The following NCOR1 variants were observed in gnomAD, a reference collection of about 807,000 sequenced individuals.
NCOR1 encodes the protein nuclear receptor corepressor 1, also known as protein phosphatase 1, regulatory subunit 109.
Under a neutral mutation model 288.1 loss-of-function variants are expected in NCOR1, and 63 were observed. That is an observed-to-expected ratio of 0.22 (90% confidence interval 0.18 to 0.27). The LOEUF (loss-of-function observed/expected upper bound fraction) is 0.27, where lower values mean the gene tolerates loss of function less well. Among genes scored for constraint, NCOR1 ranks in the 10% least tolerant of loss-of-function variants. The probability of loss-of-function intolerance (pLI) is 1.00; values close to 1 mark genes in which losing one functional copy is unlikely to be tolerated. For synonymous variants in NCOR1, 1,007 were observed against 1,065.9 expected (o/e 0.94, Z 1.08); for missense variants, 2,397 against 3,019.2 (o/e 0.79, Z 4.83).
intron 42 of NCOR1, chr17:16,040,741 A>G (rs1222967962): frequency 1.9e-6 from 1 of 520,970 alleles, no homozygotes; most frequent in East Asian, 4.2e-5. Flanking sequence ...TCAAAAGAAG[A>G]GCAATAAGCT....
chr17:16,045,074 A>G (rs990928304), intron 42 of NCOR1: 3 of 346,422 alleles, frequency 8.7e-6, no homozygotes, highest in Non-Finnish European at 1.6e-5. Flanking sequence ...GAAAAGACTG[A>G]TAAGACTGGG....
chr17:16,181,207 A>ATGTGTG (rs1422388328), intron 3 of NCOR1, among the ~76,000 whole-genome samples: 68 of 85,806 alleles, frequency 7.9e-4, no homozygotes, highest in East Asian at 2.2e-3. Flanking sequence ...ATACATATAT[A>ATGTGTG]TGTATGTGTG....
chr17:16,182,522 T>C (rs961974836), intron 3 of NCOR1, among the ~76,000 whole-genome samples: 2 of 152,210 alleles, frequency 1.3e-5, no homozygotes, highest in African/African-American at 2.4e-5. Context: ...TGGCACAATC[T>C]TGGCTCACTG....
chr17:16,155,914 C>G (rs956422228), intron 6 of NCOR1, among the ~76,000 whole-genome samples: 16 of 152,096 alleles, frequency 1.1e-4, no homozygotes, highest in African/African-American at 3.6e-4. Context: ...GGGTTCTAGG[C>G]CCATTGTGCT....
At chr17:16,189,062 GGTTT>G (rs1162296269) in intron 2 of NCOR1, among the ~76,000 whole-genome samples, 1 of 151,382 alleles carries the variant, frequency 6.6e-6, no homozygotes, top group Non-Finnish European at 1.5e-5. Context: ...TCATCACAAG[GGTTT>G]GTTAAAAATA....
chr17:16,140,402 G>A (rs1036144356), intron 11 of NCOR1, among the ~76,000 whole-genome samples: 4 of 152,190 alleles, frequency 2.6e-5, no homozygotes, highest in Non-Finnish European at 5.9e-5. Flanking sequence ...AGTGGCTCAC[G>A]CTTGTAATCC....
Position 16,071,425 on chromosome 17 carries a change from T to A in NCOR1, c.4136A>T (p.Glu1379Val). 6.2e-7 allele frequency: 1 copy of A among 1,611,308 alleles called. No individual in the cohort carries two copies. Among genetic ancestry groups the A allele is most frequent in the Non-Finnish European group, 8.5e-7 (1 of 1,178,596 alleles). The part of the protein sequence containing the change: ...EVVQSTRPII[E>V]GSISQGTPIK... ...CTTAGTTACCTGGGAAATGGAACCC[T>A]CAATTATCGGCCGTGTGCTCTGGAC... Residue 1379 changes from glutamate (E) to valine (V), a missense_variant, in exon 30 of 46, where the codon GAG (glutamate) becomes GTG (valine). Glu to Val is a moderately radical substitution (Grantham distance 121). Around this residue, in one of 11 missense-constraint regions of NCOR1, gnomAD observed 1,872 missense variants for 2,187.8 expected, o/e 0.86. Coordinates refer to ENST00000268712, the MANE Select transcript of NCOR1 (RefSeq NM_006311.4).
At chr17:16,100,346 G>A (rs1002707704) in intron 20 of NCOR1, among the ~76,000 whole-genome samples, 1 of 152,026 alleles carries the variant, frequency 6.6e-6, no homozygotes, top group Non-Finnish European at 1.5e-5. Context: ...AATGACTAAA[G>A]CTACCTGTAA....
chr17:16,199,216 A>AAAAAAAAC (rs1337668798), intron 1 of NCOR1, among the ~76,000 whole-genome samples: 143 of 122,292 alleles, frequency 1.2e-3, no homozygotes, highest in Non-Finnish European at 2.1e-3. Flanking sequence ...AAAAAAAAAA[A>AAAAAAAAC]ACACACACAC....
chr17:16,041,617 T>G (rs1239688859), intron 42 of NCOR1, among the ~76,000 whole-genome samples: 9 of 151,530 alleles, frequency 5.9e-5, no homozygotes, highest in Admixed American at 2.0e-4. Context: ...GTTTCACCAT[T>G]TTGGCCAGGC....
chr17:16,090,876 C>CATTA (rs2065057972), intron 22 of NCOR1, among the ~76,000 whole-genome samples: 2 of 152,148 alleles, frequency 1.3e-5, no homozygotes, highest in Non-Finnish European at 2.9e-5. Flanking sequence ...CATTGTAAAG[C>CATTA]TAATAGCTCT....
chr17:16,066,400 CAAG>C (rs1249660906), intron 32 of NCOR1, among the ~76,000 whole-genome samples: 2 of 152,128 alleles, frequency 1.3e-5, no homozygotes, highest in Non-Finnish European at 2.9e-5. Flanking sequence ...ACACAAGACA[CAAG>C]ATACGAGGAA....
chr17:16,189,594 C>T (rs966106963), intron 2 of NCOR1, among the ~76,000 whole-genome samples: 3 of 151,886 alleles, frequency 2.0e-5, no homozygotes, highest in African/African-American at 7.3e-5. Flanking sequence ...GCAAAAAGTT[C>T]CAACATCCCA....
chr17:16,195,362 T>C lies in NCOR1; in HGVS notation c.-70-723A>G, dbSNP rs577228989. Reference sequence around the variant, plus strand: ...GACATGCGTCTGTAATCCCAGCTACTTGGGAGGCTGAGGCAGGAGAATCGC... The same window carrying C: ...GACATGCGTCTGTAATCCCAGCTACCTGGGAGGCTGAGGCAGGAGAATCGC... On this transcript the variant is annotated intron_variant, in intron 1 of 45. Transcript: ENST00000268712. Among the ~76,000 whole-genome samples the C allele has an allele frequency of 3.9e-5, 6 of 152,068 alleles. No homozygotes were observed. In the East Asian group the frequency reaches 1.2e-3, roughly 29 times the overall value.
chr17:16,179,858 A>G (rs2085014702), intron 3 of NCOR1, among the ~76,000 whole-genome samples: 1 of 151,716 alleles, frequency 6.6e-6, no homozygotes, highest in Non-Finnish European at 1.5e-5. Flanking sequence ...TACTAAAAGT[A>G]CAAAAATTAG....
At chr17:16,100,193 G>A (rs1442500820) in intron 20 of NCOR1, among the ~76,000 whole-genome samples, 1 of 152,080 alleles carries the variant, frequency 6.6e-6, no homozygotes, top group Non-Finnish European at 1.5e-5. Flanking sequence ...GTGATTCAAT[G>A]TCTTTTAAGG....
chr17:16,170,426 T>C (rs1599845854), intron 4 of NCOR1, among the ~76,000 whole-genome samples: 1 of 152,278 alleles, frequency 6.6e-6, no homozygotes, highest in Non-Finnish European at 1.5e-5. Context: ...CACTTTACTG[T>C]TAAGAGTTTT....
rs546696544 is a variant in NCOR1 at position 16,128,158 on chromosome 17, G to A, written c.1510-1952C>T. 5.7e-4 allele frequency among the ~76,000 whole-genome samples: 87 copies of A among 152,254 alleles called. 1 individual carries two copies. Among genetic ancestry groups the A allele is most frequent in the African/African-American group, 1.9e-3 (80 of 41,530 alleles). On this transcript the variant is annotated intron_variant, in intron 14 of 45. Transcript: ENST00000268712. ...TCCAACACATCTTTCCAGCACAGCA[G>A]GCTGGCCCTTGCACACCTCCCTCCA...
intron 26 of NCOR1, 121 bp downstream of exon 26, chr17:16,079,843 G>A: frequency 1.4e-6 from 1 of 728,848 alleles, no homozygotes; most frequent in South Asian, 1.9e-5. Flanking sequence ...TCTAGGTTAT[G>A]AGACCCAGTC....
Sources: gnomAD v4.1 joint callset for allele counts (sites outside exome capture counted in the v4.1 genomes callset) on GRCh38, gnomAD v4.1.1 for gene constraint, gnomAD v4.1.1 regional missense constraint, MANE v1.5 for transcripts, NCBI Gene and HGNC (gene_info 2026-07-23, HGNC 2026-07-21) for gene names.